PARD3B: variants seen among roughly 807,000 people sequenced by gnomAD.
PARD3B encodes partitioning defective 3 homolog B.
In PARD3B, 103 loss-of-function variants were observed where a neutral mutation model predicts 130.2. The observed-to-expected ratio is 0.79, with a 90% CI of 0.67 to 0.93. The LOEUF (loss-of-function observed/expected upper bound fraction) is 0.93. Among genes scored for constraint, PARD3B ranks in the 40% least tolerant of loss-of-function variants. PARD3B has a pLI of 0.00. For synonymous variants in PARD3B, 583 were observed against 553.2 expected (o/e 1.05, Z -0.76); for missense variants, 1,609 against 1,499.2 (o/e 1.07, Z -1.21).
intron 2 of PARD3B, among the ~76,000 whole-genome samples, chr2:204,801,929 T>G (rs915323149): frequency 6.6e-6 from 1 of 152,196 alleles, no homozygotes; most frequent in African/African-American, 2.4e-5. Context: ...GTGTTGAATT[T>G]TATCAAAGGC....
At chr2:205,057,302 T>C (rs1559396351) in intron 4 of PARD3B, among the ~76,000 whole-genome samples, 1 of 148,886 alleles carries the variant, frequency 6.7e-6, no homozygotes. Flanking sequence ...TATACATGTA[T>C]GTATTCGTAT....
At chr2:205,192,041 C>T (rs762647791) in intron 14 of PARD3B, among the ~76,000 whole-genome samples, 1 of 152,146 alleles carries the variant, frequency 6.6e-6, no homozygotes, top group Non-Finnish European at 1.5e-5. Flanking sequence ...CCTTAATTTA[C>T]CCACGGCATT....
intron 22 of PARD3B, among the ~76,000 whole-genome samples, chr2:205,605,842 G>A (rs942480425): frequency 1.3e-5 from 2 of 152,230 alleles, no homozygotes; most frequent in Non-Finnish European, 2.9e-5. Context: ...AGAGCCAGCA[G>A]CAGGAAGACT....
intron 18 of PARD3B, among the ~76,000 whole-genome samples, chr2:205,334,956 T>G (rs1490440029): frequency 6.6e-6 from 1 of 152,200 alleles, no homozygotes; most frequent in South Asian, 2.1e-4. Context: ...CATACGTTTC[T>G]CCATGATCAA....
Position 205,124,484 on chromosome 2 carries a change from T to C in PARD3B, c.1305+18T>C. The C allele has an allele frequency of 1.3e-6, 2 of 1,543,014 alleles. No individual in the cohort carries two copies. Among genetic ancestry groups the C allele is most frequent in the South Asian group, 1.3e-5 (1 of 75,154 alleles). ...TTTTGGAGGTAAGAATTGGAATTAA[T>C]AGTTGTATGAAAATATTTCTTGGCA... On this transcript the variant is annotated intron_variant, in intron 9 of 22. Coordinates refer to ENST00000406610, the MANE Select transcript of PARD3B (RefSeq NM_001302769.2).
chr2:204,976,918 T>C (rs1050435231), intron 3 of PARD3B, among the ~76,000 whole-genome samples: 2 of 152,090 alleles, frequency 1.3e-5, no homozygotes, highest in African/African-American at 2.4e-5. Flanking sequence ...GCCATGCAAC[T>C]GATATTTTGA....
chr2:204,666,578 A>G (rs1207502658), intron 1 of PARD3B, among the ~76,000 whole-genome samples: 1 of 152,178 alleles, frequency 6.6e-6, no homozygotes, highest in Non-Finnish European at 1.5e-5. Flanking sequence ...AGTGAAGGGA[A>G]GTGAACAGCT....
At chr2:205,377,634 C>G (rs1250609271) in intron 18 of PARD3B, among the ~76,000 whole-genome samples, 5 of 152,224 alleles carry the variant, frequency 3.3e-5, no homozygotes, top group Non-Finnish European at 1.5e-5. Flanking sequence ...TCCTCACACC[C>G]TACCAACTCC....
chr2:205,286,574 C>A (rs999423659), intron 16 of PARD3B, among the ~76,000 whole-genome samples: 7 of 152,154 alleles, frequency 4.6e-5, no homozygotes, highest in Non-Finnish European at 1.0e-4. Flanking sequence ...AGAAAAGTTT[C>A]TAATTCACAG....
Position 205,553,325 on chromosome 2 carries a change from T to C in PARD3B, c.3182T>C (p.Val1061Ala). ...CTCTAATTGCTTTTCTCTCCACAGG[T>C]GCCTGGAAGGGGTCCAGATGGGAAT... The part of the protein sequence containing the change: ...ARPSEYDLLW[V>A]PGRGPDGNAH... The change falls in exon 22 of 23, where the codon GTG becomes GCG. Residue 1061 changes from valine (V) to alanine (A), a missense_variant and splice_region_variant. Physicochemically the swap from Val to Ala is moderately conservative, Grantham distance 64 (BLOSUM62 0). Coordinates refer to ENST00000406610, the MANE Select transcript of PARD3B (RefSeq NM_001302769.2). 6.2e-7 allele frequency: 1 copy of C among 1,613,672 alleles called. No homozygotes were observed. The highest frequency in any genetic ancestry group is 1.1e-5 in the South Asian group (1 of 91,056).
intron 4 of PARD3B, chr2:205,103,763 T>C: frequency 1.0e-6 from 1 of 984,252 alleles, no homozygotes; most frequent in Non-Finnish European, 1.2e-6. Context: ...CTCCTCTGCT[T>C]CTCTGGGTAA....
intron 5 of PARD3B, 94 bp from the exon 6 acceptor site, chr2:205,113,396 GT>G: frequency 4.4e-6 from 1 of 224,740 alleles, no homozygotes; most frequent in Non-Finnish European, 7.8e-6. Context: ...GAGCAGGGGT[GT>G]GTGTGTGTGT....
At chr2:205,090,029 A>G (rs16836914) in intron 4 of PARD3B, among the ~76,000 whole-genome samples, 2,810 of 152,292 alleles carry the variant, frequency 0.018, 70 homozygotes, top group East Asian at 0.13. Flanking sequence ...AGGTGCATCA[A>G]CGGAGTACCC....
rs1187389573 is a variant in PARD3B at position 205,341,637 on chromosome 2, C to CA, written c.2630+39940dup. On this transcript the variant is annotated intron_variant, in intron 18 of 22. Coordinates refer to ENST00000406610, the MANE Select transcript of PARD3B (RefSeq NM_001302769.2). This position sits in a 1 kb window ranked among gnomAD's most constrained non-coding sequence, Gnocchi z 4.3. The stretch of plus-strand genomic sequence containing the variant: ...GTAGGGAGAGGTTGGTTAACAGACT[C>CA]AAAATCATAGCTTCCGACAGCACTG... 6.6e-6 allele frequency among the ~76,000 whole-genome samples: 1 copy of CA among 151,944 alleles called. No homozygotes were observed. Among genetic ancestry groups the CA allele is most frequent in the Non-Finnish European group, 1.5e-5 (1 of 67,934 alleles).
intron 2 of PARD3B, among the ~76,000 whole-genome samples, chr2:204,920,124 C>T (rs1293349337): frequency 6.6e-6 from 1 of 152,076 alleles, no homozygotes; most frequent in African/African-American, 2.4e-5. Context: ...TATCTATTGC[C>T]CCCTTCAGTT....
At chr2:204,876,860 A>C (rs1378938238) in intron 2 of PARD3B, among the ~76,000 whole-genome samples, 1 of 152,212 alleles carries the variant, frequency 6.6e-6, no homozygotes, top group Non-Finnish European at 1.5e-5. Flanking sequence ...TAGCAATTTC[A>C]TATAACCATT....
chr2:205,476,028 G>A (rs563197554), intron 20 of PARD3B, among the ~76,000 whole-genome samples: 2 of 152,066 alleles, frequency 1.3e-5, no homozygotes, highest in African/African-American at 2.4e-5. Flanking sequence ...GATCACAGTC[G>A]CTGTCAAGTG....
intron 2 of PARD3B, among the ~76,000 whole-genome samples, chr2:204,820,548 C>T (rs1007785797): frequency 2.6e-5 from 4 of 151,776 alleles, no homozygotes; most frequent in Non-Finnish European, 2.9e-5. Flanking sequence ...GGCATGGGGG[C>T]TTACACCTGT....
intron 16 of PARD3B, among the ~76,000 whole-genome samples, chr2:205,296,905 T>A (rs560345292): frequency 4.2e-4 from 64 of 152,170 alleles, no homozygotes; most frequent in African/African-American, 1.5e-3. Context: ...GGCATTTTTT[T>A]AATGAGGCCA....
Sources: allele counts gnomAD v4.1 joint callset (sites outside exome capture counted in the v4.1 genomes callset), GRCh38; gene constraint gnomAD v4.1.1; non-coding constraint Gnocchi (gnomAD v3.1); transcripts MANE v1.5; gene names NCBI Gene and HGNC (gene_info 2026-07-23, HGNC 2026-07-21).